The following RBFOX3 variants were observed in gnomAD, a reference collection of about 807,000 sequenced individuals.
The protein encoded by RBFOX3 is RNA binding protein fox-1 homolog 3.
A neutral mutation model predicts 48.7 loss-of-function variants in RBFOX3; 17 were observed. The observed-to-expected ratio is 0.35, with a 90% CI of 0.24 to 0.52. RBFOX3 has a LOEUF of 0.52. Among genes scored for constraint, RBFOX3 ranks in the 20% least tolerant of loss-of-function variants. RBFOX3 has a pLI of 0.94. For synonymous variants in RBFOX3, 212 were observed against 209.5 expected (o/e 1.01, Z -0.10); for missense variants, 382 against 497.5 (o/e 0.77, Z 2.21).
chr17:79,606,580 T>A (rs1354624116), intron 1 of RBFOX3, among the ~76,000 whole-genome samples: 1 of 152,230 alleles, frequency 6.6e-6, no homozygotes, highest in Admixed American at 6.5e-5. Flanking sequence ...TTGGTGTCAG[T>A]CTATGTGTTG....
chr17:79,296,861 T>C (rs11867365), intron 3 of RBFOX3, among the ~76,000 whole-genome samples: 8 of 94,578 alleles, frequency 8.5e-5, no homozygotes, highest in African/African-American at 2.3e-4. Context: ...CTCCTGCTTC[T>C]CCTCCCTTTC....
intron 3 of RBFOX3, among the ~76,000 whole-genome samples, chr17:79,286,339 C>T (rs544182817): frequency 6.6e-5 from 10 of 152,300 alleles, no homozygotes; most frequent in Middle Eastern, 6.8e-3. Flanking sequence ...ACTTTCTCCA[C>T]GCCCCCGGCT....
At chr17:79,132,282 T>TGG (rs2039107809) in intron 4 of RBFOX3, among the ~76,000 whole-genome samples, 1 of 7,198 alleles carries the variant, frequency 1.4e-4, no homozygotes, top group Non-Finnish European at 2.8e-4. Flanking sequence ...TGGGGTGGGG[T>TGG]GGGGGGCAGA....
At chr17:79,542,792 G>T (rs376245913) in intron 1 of RBFOX3, among the ~76,000 whole-genome samples, 18 of 151,992 alleles carry the variant, frequency 1.2e-4, no homozygotes, top group African/African-American at 4.3e-4. Context: ...CAAAATAAAA[G>T]GATTTTTTTT....
intron 2 of RBFOX3, among the ~76,000 whole-genome samples, chr17:79,375,830 C>T (rs769734914): frequency 2.0e-5 from 3 of 152,160 alleles, no homozygotes; most frequent in Non-Finnish European, 2.9e-5. Flanking sequence ...TGCCTGCTTC[C>T]GGGTGCCTGG....
the RBFOX3 span, among the ~76,000 whole-genome samples, chr17:79,618,203 C>T: frequency 5.9e-5 from 9 of 152,310 alleles, no homozygotes; most frequent in East Asian, 1.5e-3. Context: ...GCCTAAAAAA[C>T]ACACAAGTGG....
At chr17:79,382,725 G>A (rs548784645) in intron 2 of RBFOX3, among the ~76,000 whole-genome samples, 1 of 152,340 alleles carries the variant, frequency 6.6e-6, no homozygotes, top group African/African-American at 2.4e-5. Flanking sequence ...CACCCAATGT[G>A]GTCCTGGGCA....
intron 3 of RBFOX3, among the ~76,000 whole-genome samples, chr17:79,255,222 CGTGTGTGTGTGTGT>C (rs142604866): frequency 0.037 from 5,430 of 147,498 alleles, 119 homozygotes; most frequent in East Asian, 0.12. Flanking sequence ...CACATGTGTG[CGTGTGTGTGTGTGT>C]GTGTGTGTGT....
At chr17:79,125,179 A>G (rs1169572005) in intron 4 of RBFOX3, among the ~76,000 whole-genome samples, 1 of 152,136 alleles carries the variant, frequency 6.6e-6, no homozygotes, top group Non-Finnish European at 1.5e-5. Context: ...GGGCTTCCCT[A>G]GCCCAGGACA....
At chr17:79,348,630 G>C (rs969938160) in intron 2 of RBFOX3, among the ~76,000 whole-genome samples, 1 of 131,494 alleles carries the variant, frequency 7.6e-6, no homozygotes, top group Non-Finnish European at 1.6e-5. Flanking sequence ...AAACAGGCTG[G>C]AGTGCAGTAG....
intron 4 of RBFOX3, among the ~76,000 whole-genome samples, chr17:79,209,096 G>A (rs1163344612): frequency 4.6e-5 from 7 of 152,142 alleles, no homozygotes; most frequent in African/African-American, 7.2e-5. Flanking sequence ...TGGGATTACA[G>A]GCGTGAGCCA....
In RBFOX3 at chr17:79,199,478, A is replaced by G. The variant is rs1253008720; in HGVS notation, c.-34+36288T>C. On this transcript the variant is annotated intron_variant, in intron 4 of 14. Coordinates refer to ENST00000693108, the MANE Select transcript of RBFOX3 (RefSeq NM_001350451.2). The surrounding 1 kb of genome is among the most constrained non-coding windows in gnomAD (Gnocchi z 5.1). ...AAATCAGCCCAGGTGGGACTTGAGG[A>G]AGAGGAGAAGGCCAGCCATCTGGAT... Among the ~76,000 whole-genome samples, 1 of 151,444 alleles carries G rather than the reference A, an allele frequency of 6.6e-6. No individual in the cohort carries two copies. The highest frequency in any genetic ancestry group is 2.0e-4 in the East Asian group (1 of 5,036).
the RBFOX3 span, among the ~76,000 whole-genome samples, chr17:79,619,283 C>A: frequency 6.6e-6 from 1 of 152,168 alleles, no homozygotes; most frequent in Non-Finnish European, 1.5e-5. Flanking sequence ...CCCACAAAAC[C>A]AGAGGCTGAA....
At chr17:79,632,956 A>G in the RBFOX3 span, among the ~76,000 whole-genome samples, 4 of 152,310 alleles carry the variant, frequency 2.6e-5, no homozygotes, top group African/African-American at 9.6e-5. Flanking sequence ...CACAGGGGAC[A>G]CTGAAAGAGA....
chr17:79,486,201 C>T (rs1413622094), intron 1 of RBFOX3, among the ~76,000 whole-genome samples: 1 of 152,066 alleles, frequency 6.6e-6, no homozygotes, highest in Non-Finnish European at 1.5e-5. Context: ...GGGGGCTGGG[C>T]TGGGCTGCAG....
At chr17:79,267,517 A>G (rs987390087) in intron 3 of RBFOX3, among the ~76,000 whole-genome samples, 2 of 152,110 alleles carry the variant, frequency 1.3e-5, no homozygotes, top group Middle Eastern at 3.4e-3. Flanking sequence ...CAGCCTCCCA[A>G]CTAACTGGGA....
In RBFOX3 at chr17:79,480,452, C is replaced by T. The variant is rs2078618853; in HGVS notation, c.-175+2002G>A. On this transcript the variant is annotated intron_variant, in intron 2 of 14. Coordinates refer to ENST00000693108, the MANE Select transcript of RBFOX3 (RefSeq NM_001350451.2). The surrounding 1 kb of genome is among the most constrained non-coding windows in gnomAD (Gnocchi z 4.8). ...AGAGACACCTTTGTATGTCTCAGGC[C>T]ATTCAATCCCTCACTCAGAGCCCTG... 6.6e-6 allele frequency among the ~76,000 whole-genome samples: 1 copy of T among 152,142 alleles called. No individual in the cohort carries two copies. The highest frequency in any genetic ancestry group is 1.9e-4 in the East Asian group (1 of 5,198).
chr17:79,267,412 A>G (rs2066901717), intron 3 of RBFOX3, among the ~76,000 whole-genome samples: 1 of 151,290 alleles, frequency 6.6e-6, no homozygotes, highest in East Asian at 1.9e-4. Flanking sequence ...TTGATTTGAG[A>G]TAGAGCCTTG....
intron 2 of RBFOX3, among the ~76,000 whole-genome samples, chr17:79,309,240 C>T (rs1568016905): frequency 6.6e-6 from 1 of 152,114 alleles, no homozygotes; most frequent in Admixed American, 6.5e-5. Context: ...AGATTTTGCA[C>T]AGGAAGGAGG....
Sources: allele counts gnomAD v4.1 joint callset (sites outside exome capture counted in the v4.1 genomes callset), GRCh38; gene constraint gnomAD v4.1.1; non-coding constraint Gnocchi (gnomAD v3.1); transcripts MANE v1.5; gene names NCBI Gene and HGNC (gene_info 2026-07-23, HGNC 2026-07-21).